Variants in GLIS3 observed in about 807,000 individuals in gnomAD.
GLIS3 encodes the protein zinc finger protein GLIS3.
In GLIS3, 53 loss-of-function variants were observed where a neutral mutation model predicts 78.6. The ratio of observed to expected loss-of-function variants is 0.67; its 90% confidence interval spans 0.54 to 0.85. GLIS3 has a LOEUF of 0.85. Ranked by LOEUF, GLIS3 falls within the 40% of genes least tolerant of loss-of-function variation. GLIS3 has a pLI of 0.00. For synonymous variants in GLIS3, 684 were observed against 509.9 expected, an observed-to-expected ratio of 1.34 and a Z score of -4.60; for missense variants, 1,703 against 1,231.1, an observed-to-expected ratio of 1.38 and a Z score of -5.74.
intron 6 of GLIS3, among the ~76,000 whole-genome samples, chr9:3,902,629 C>T (rs971217092): frequency 1.3e-5 from 2 of 152,110 alleles, no homozygotes; most frequent in African/African-American, 4.8e-5. Context: ...ACCTGCAGCG[C>T]CCCACCCCAG....
chr9:4,271,904 T>C (rs1035784712), intron 2 of GLIS3, among the ~76,000 whole-genome samples: 1 of 152,218 alleles, frequency 6.6e-6, no homozygotes, highest in Non-Finnish European at 1.5e-5. Context: ...ATATTGGCCA[T>C]GTGACCGTGG....
the GLIS3 span, among the ~76,000 whole-genome samples, chr9:4,375,304 G>A: frequency 3.3e-5 from 5 of 152,184 alleles, no homozygotes; most frequent in African/African-American, 7.2e-5. Context: ...CAAAGTTCTC[G>A]TGGAACAAAC....
the GLIS3 span, among the ~76,000 whole-genome samples, chr9:4,427,892 T>C: frequency 4.0e-5 from 6 of 151,652 alleles, no homozygotes; most frequent in Non-Finnish European, 8.8e-5. Context: ...AAAATAATTA[T>C]ACTAATATGT....
At chr9:4,415,802 T>TTTC in the GLIS3 span, among the ~76,000 whole-genome samples, 1 of 151,204 alleles carries the variant, frequency 6.6e-6, no homozygotes, top group African/African-American at 2.4e-5. Context: ...TTAACTTTTC[T>TTTC]TTTTTTTATT....
chr9:4,356,806 G>C, the GLIS3 span, among the ~76,000 whole-genome samples: 1 of 152,208 alleles, frequency 6.6e-6, no homozygotes, highest in African/African-American at 2.4e-5. Context: ...CTAAAGGTTT[G>C]ATTACAAAGC....
chr9:4,005,592 G>T (rs702263), intron 4 of GLIS3, among the ~76,000 whole-genome samples: 24,227 of 152,100 alleles, frequency 0.16, 2,429 homozygotes, highest in African/African-American at 0.28. Context: ...AGCACCTACT[G>T]CATAGGTTTG....
chr9:4,235,716 G>GA (rs140558922), intron 2 of GLIS3, among the ~76,000 whole-genome samples: 5 of 151,020 alleles, frequency 3.3e-5, no homozygotes, highest in East Asian at 1.9e-4. Flanking sequence ...CCCCAAGCTA[G>GA]AAAAAAAAAT....
rs1028326466 is a variant in GLIS3, at chr9:4,118,479, C to T, written c.999G>A (p.Gly333=). The T allele has an allele frequency of 6.2e-7, 1 of 1,613,958 alleles. No homozygotes were observed. Among genetic ancestry groups the T allele is most frequent in the Non-Finnish European group, 8.5e-7 (1 of 1,180,030 alleles). The change falls in exon 4 of 11, where the codon GGG becomes GGA. Residue 333 remains glycine, a synonymous_variant. Transcript: ENST00000381971. This position sits in a 1 kb window ranked among gnomAD's most constrained non-coding sequence, Gnocchi z 4.7. ...ACAGGTTGGCCGGCGAAGCCCTCGA[C>T]CCGTTGATGTAGGCCACCAAGGACG... ...SPTSLVAYIN[G]SRASPANLSP...
intron 2 of GLIS3, among the ~76,000 whole-genome samples, chr9:4,344,368 A>G (rs1817874424): frequency 6.6e-6 from 1 of 152,174 alleles, no homozygotes; most frequent in African/African-American, 2.4e-5. Context: ...GCATTTGGCA[A>G]TTCATCAGCA....
chr9:4,430,092 G>T, the GLIS3 span, among the ~76,000 whole-genome samples: 1 of 152,036 alleles, frequency 6.6e-6, no homozygotes, highest in Non-Finnish European at 1.5e-5. Flanking sequence ...CAAGGAGCCC[G>T]GGAATGAGAT....
rs890593425 is a variant in GLIS3 at position 4,117,642 on chromosome 9, C to T, written c.1710+126G>A. On this transcript the variant is annotated intron_variant, in intron 4 of 10. Coordinates refer to ENST00000381971, the MANE Select transcript of GLIS3 (RefSeq NM_001042413.2). ...TCCCCTTCCTCAAGCTGAAGGGGAA[C>T]CCCATCTCATGGATACCTAGACCCC... 17 of 1,025,426 alleles carry T rather than the reference C, an allele frequency of 1.7e-5. No homozygotes were observed. In the South Asian group the frequency reaches 2.2e-4, roughly 13 times the overall value. The allele number at this position is 1,025,426 out of a possible 1,614,324, so 63.5% of individuals were successfully genotyped here.
chr9:4,363,413 G>A, the GLIS3 span, among the ~76,000 whole-genome samples: 4 of 152,144 alleles, frequency 2.6e-5, no homozygotes, highest in Non-Finnish European at 5.9e-5. Context: ...AGACTCAGAA[G>A]AAGCAAAGAA....
chr9:3,834,470 A>C (rs1818227694), intron 9 of GLIS3, among the ~76,000 whole-genome samples: 1 of 152,190 alleles, frequency 6.6e-6, no homozygotes, highest in African/African-American at 2.4e-5. Flanking sequence ...TGACTTTTAA[A>C]TTTTATTGAA....
At chr9:3,959,128 G>C (rs1817365140) in intron 4 of GLIS3, among the ~76,000 whole-genome samples, 1 of 152,236 alleles carries the variant, frequency 6.6e-6, no homozygotes, top group African/African-American at 2.4e-5. Flanking sequence ...GTATCAGGAA[G>C]TGGGTCCTTT....
At chr9:3,984,783 G>A (rs770139331) in intron 4 of GLIS3, among the ~76,000 whole-genome samples, 1 of 150,676 alleles carries the variant, frequency 6.6e-6, no homozygotes, top group South Asian at 2.1e-4. Context: ...ATTCCCACAT[G>A]TTTCAGGAGG....
chr9:4,428,693 C>G, the GLIS3 span, among the ~76,000 whole-genome samples: 1 of 152,014 alleles, frequency 6.6e-6, no homozygotes, highest in Admixed American at 6.6e-5. Context: ...GATAATTTAA[C>G]ATAGTATATA....
At chr9:3,936,697 T>A (rs985188366) in intron 5 of GLIS3, among the ~76,000 whole-genome samples, 1 of 152,190 alleles carries the variant, frequency 6.6e-6, no homozygotes, top group Non-Finnish European at 1.5e-5. Flanking sequence ...CTCAATACTG[T>A]TTTTAATGCC....
intron 2 of GLIS3, among the ~76,000 whole-genome samples, chr9:4,131,331 G>A (rs1291114231): frequency 1.3e-5 from 2 of 152,158 alleles, no homozygotes; most frequent in African/African-American, 2.4e-5. Context: ...CAATGTTTGA[G>A]GACATGAGAT....
intron 4 of GLIS3, among the ~76,000 whole-genome samples, chr9:4,085,969 G>C (rs980596102): frequency 6.6e-6 from 1 of 152,078 alleles, no homozygotes. Context: ...TTATAGCAAC[G>C]CAAGAATGGC....
Sources: gnomAD v4.1 joint callset for allele counts (sites outside exome capture counted in the v4.1 genomes callset) on GRCh38, gnomAD v4.1.1 for gene constraint, Gnocchi (gnomAD v3.1) non-coding constraint, MANE v1.5 for transcripts, NCBI Gene and HGNC (gene_info 2026-07-23, HGNC 2026-07-21) for gene names.